Variants in SOD2 observed in about 807,000 individuals in gnomAD.
SOD2 encodes the protein superoxide dismutase 2.
A neutral mutation model predicts 27.0 loss-of-function variants in SOD2; 11 were observed. The observed-to-expected ratio is 0.41, with a 90% CI of 0.26 to 0.67. SOD2 has a LOEUF of 0.67. SOD2 is among the 30% of genes least tolerant of loss of function. SOD2 has a pLI of 0.34. For synonymous variants in SOD2, 105 were observed against 103.0 expected, an observed-to-expected ratio of 1.02 and a Z score of -0.12; for missense variants, 250 against 274.5, an observed-to-expected ratio of 0.91 and a Z score of 0.63.
intron 2 of SOD2, chr6:159,691,460 A>C (rs1378966538): frequency 6.6e-6 from 1 of 152,222 alleles, no homozygotes; most frequent in Non-Finnish European, 1.5e-5. Flanking sequence ...GACTGTCTAA[A>C]AATTACTCAA....
intron 1 of SOD2, among the ~76,000 whole-genome samples, chr6:159,712,317 AC>A (rs539409402): frequency 5.5e-5 from 8 of 146,518 alleles, no homozygotes; most frequent in Non-Finnish European, 9.0e-5. Flanking sequence ...ACCACCACTC[AC>A]ACTGCTCTGA....
At chr6:159,709,590 TG>T (rs1777691389) in intron 1 of SOD2, among the ~76,000 whole-genome samples, 1 of 152,132 alleles carries the variant, frequency 6.6e-6, no homozygotes, top group South Asian at 2.1e-4. Flanking sequence ...TCAGTAAGAA[TG>T]GCAATCATTA....
chr6:159,693,050 G>A lies in SOD2; in HGVS notation c.23+95C>T, dbSNP rs1270893533. On this transcript the variant is annotated intron_variant, in intron 1 of 4. Coordinates refer to ENST00000538183, the MANE Select transcript of SOD2 (RefSeq NM_000636.4). ...CCTGCAGGTGCCCCGGTCCCGCCAG[G>A]CCCGGTGCGGCCACTGTCGCCATTG... The A allele has an allele frequency of 1.3e-5, 20 of 1,491,462 alleles. 1 individual carries two copies. Among genetic ancestry groups the A allele is most frequent in the South Asian group, 2.5e-5 (2 of 79,826 alleles). 92.4% of individuals were successfully genotyped at this position (1,491,462 alleles called of 1,614,324 possible).
intron 1 of SOD2, among the ~76,000 whole-genome samples, chr6:159,700,936 A>G (rs1777513421): frequency 6.6e-6 from 1 of 151,250 alleles, no homozygotes; most frequent in African/African-American, 2.4e-5. Context: ...CTGGAACACA[A>G]TGTAGGATCT....
At chr6:159,697,889 C>G (rs903684237), upstream of SOD2, among the ~76,000 whole-genome samples, 2 of 152,164 alleles carry the variant, frequency 1.3e-5, no homozygotes, top group African/African-American at 4.8e-5. Context: ...CCTGTAATCC[C>G]AACACTTTGG....
At position 159,678,747 on chromosome 6, in the gene SOD2, C is replaced by T. The variant is rs886193288; in HGVS notation, c.*3746G>A. On this transcript the variant is annotated 3_prime_UTR_variant, in exon 5 of 5. Transcript: ENST00000538183. ...AAGTATAGGGACTTGCGATTGGTAT[C>T]TGGAGTGGGGGCAGTCTTGTGGGCT... The T allele has an allele frequency of 1.3e-5, 2 of 152,162 alleles. No homozygotes were observed. Among genetic ancestry groups the T allele is most frequent in the African/African-American group, 4.8e-5 (2 of 41,446 alleles). The allele number at this position is 152,162 out of a possible 1,614,324, so 9.4% of individuals were successfully genotyped here.
chr6:159,693,323 G>GCCCCCC (rs1265065197), upstream of SOD2: 1 of 348,382 alleles, frequency 2.9e-6, no homozygotes, highest in African/African-American at 2.7e-5. Context: ...GGGCACCGCC[G>GCCCCCC]CCCCGCCCCC....
chr6:159,750,856 A>G (rs554424516), intron 1 of SOD2, among the ~76,000 whole-genome samples: 1 of 152,378 alleles, frequency 6.6e-6, no homozygotes, highest in Admixed American at 6.5e-5. Context: ...CGTCTGGAAT[A>G]TTTCCAGTGG....
Position 159,673,835 on chromosome 6 carries a change from A to G in SOD2, c.*8658T>C, listed in dbSNP as rs559890798. The stretch of plus-strand genomic sequence containing the variant: ...CTGGTTTTTTGAAAAGATAAACACA[A>G]TTGATAGACCGCTAGCAAGACTAAT... On this transcript the variant is annotated 3_prime_UTR_variant, in exon 5 of 5. Coordinates refer to ENST00000538183, the MANE Select transcript of SOD2 (RefSeq NM_000636.4). The G allele has an allele frequency of 6.6e-6, 1 of 152,326 alleles. No individual in the cohort carries two copies. Among genetic ancestry groups the G allele is most frequent in the Non-Finnish European group, 1.5e-5 (1 of 68,034 alleles). 9.4% of individuals were successfully genotyped at this position (152,326 alleles called of 1,614,324 possible). A position where few individuals can be genotyped will look rare whatever the true frequency, so the allele number is the denominator to read the frequency against.
chr6:159,693,373 C>G (rs1777338359), upstream of SOD2: 1 of 197,606 alleles, frequency 5.1e-6, no homozygotes, highest in Non-Finnish European at 9.9e-6. Flanking sequence ...CGCGCCCAAC[C>G]CCGGGGGTGC....
intron 1 of SOD2, chr6:159,736,407 T>C: frequency 1.1e-6 from 1 of 874,720 alleles, no homozygotes; most frequent in Non-Finnish European, 1.8e-6. Context: ...TGCTTATTTT[T>C]CATTTCTTTG....
upstream of SOD2, chr6:159,749,259 T>G (rs1272085943): frequency 1.0e-6 from 1 of 985,834 alleles, no homozygotes; most frequent in Non-Finnish European, 1.2e-6. Context: ...TGAGACTCAC[T>G]GCATTATTTT....
At chr6:159,709,685 C>T (rs954327921) in intron 1 of SOD2, among the ~76,000 whole-genome samples, 2 of 152,094 alleles carry the variant, frequency 1.3e-5, no homozygotes, top group African/African-American at 4.8e-5. Flanking sequence ...TAAACTAGTT[C>T]AACCATTGTG....
chr6:159,755,717 G>GT, intron 1 of SOD2: 1 of 980,996 alleles, frequency 1.0e-6, no homozygotes, highest in Non-Finnish European at 1.2e-6. Flanking sequence ...GTGGGTGTAC[G>GT]TTTTGGTTTT....
chr6:159,704,219 T>G (rs1777578086), intron 1 of SOD2, among the ~76,000 whole-genome samples: 1 of 152,168 alleles, frequency 6.6e-6, no homozygotes, highest in Non-Finnish European at 1.5e-5. Context: ...GACGGGTGAT[T>G]TCTGCATTTC....
chr6:159,715,056 C>T (rs1457617076), intron 1 of SOD2, among the ~76,000 whole-genome samples: 1 of 151,856 alleles, frequency 6.6e-6, no homozygotes, highest in East Asian at 1.9e-4. Context: ...TTTAGCCATA[C>T]TTGGTGAGAG....
rs549434975 is a variant in SOD2 at position 159,726,856 on chromosome 6, G to A, written c.-116+273C>T. 2.0e-5 allele frequency: 26 copies of A among 1,289,232 alleles called. No homozygotes were observed. In the East Asian group the frequency reaches 3.3e-4, roughly 17 times the overall value. The allele number at this position is 1,289,232 out of a possible 1,614,324, so 79.9% of individuals were successfully genotyped here. On this transcript the variant is annotated intron_variant, in intron 1 of 2. Transcript: ENST00000401980. ...TTCTAAGTTCTCAAAACTTACAGGT[G>A]AGCTTCTGCTAAGAGTAAACGCCCG...
At chr6:159,692,269 C>T in intron 2 of SOD2, 1 of 602,982 alleles carries the variant, frequency 1.7e-6, no homozygotes, top group Non-Finnish European at 2.4e-6. Flanking sequence ...ACCTGAGAGA[C>T]CAAACATTTC....
intron 1 of SOD2, chr6:159,720,381 A>AT (rs1201764506): frequency 2.6e-5 from 4 of 152,264 alleles, no homozygotes; most frequent in Non-Finnish European, 5.9e-5. Context: ...TAATATGTAA[A>AT]TAACTGTGTG....
Sources: allele counts gnomAD v4.1 joint callset (sites outside exome capture counted in the v4.1 genomes callset), GRCh38; gene constraint gnomAD v4.1.1; transcripts MANE v1.5; gene names NCBI Gene and HGNC (gene_info 2026-07-23, HGNC 2026-07-21).